CEP295NL: variants seen among roughly 807,000 people sequenced by gnomAD.
CEP295NL encodes the protein protein DDC8 homolog.
CEP295NL carries 3 observed loss-of-function variants against 4.6 expected under a neutral mutation model. That is an observed-to-expected ratio of 0.65 (90% CI 0.30 to 1.69). The LOEUF (loss-of-function observed/expected upper bound fraction) is 1.69, where lower values mean the gene tolerates loss of function less well. CEP295NL is among the 40% of genes most tolerant of loss of function. The pLI, the probability that CEP295NL is intolerant of heterozygous loss-of-function variation, is 0.10. For missense variants in CEP295NL, 719 were observed against 769.0 expected (o/e 0.93, Z 0.77); for synonymous variants, 295 against 312.2 (o/e 0.94, Z 0.58).
chr17:78,895,123 A>G (rs1027597362), intron 2 of CEP295NL, among the ~76,000 whole-genome samples: 9 of 152,100 alleles, frequency 5.9e-5, no homozygotes, highest in Admixed American at 2.0e-4. Flanking sequence ...TCTACTAAAA[A>G]TACAAAAATT....
In CEP295NL at chr17:78,890,800, C is replaced by T. The variant is rs940864052; in HGVS notation, c.1704G>A (p.Glu568=). 1.9e-6 allele frequency: 3 copies of T among 1,550,514 alleles called. No homozygotes were observed. The highest frequency in any genetic ancestry group is 2.7e-5 in the African/African-American group (2 of 73,052). ...TRAQERERGS[E]LSTTSPSGTS... ...TGCCCGATGGGGAAGTGGTGCTGAG[C>T]TCAGATCCTCTCTCCCTTTCCTGGG... The change falls in exon 3 of 3, where the codon GAG becomes GAA. Residue 568 remains glutamate (E), a synonymous_variant. Coordinates refer to ENST00000322630, the MANE Select transcript of CEP295NL (RefSeq NM_001243540.2).
chr17:78,902,200 G>A (rs745779689), intron 1 of CEP295NL, among the ~76,000 whole-genome samples: 3 of 152,178 alleles, frequency 2.0e-5, no homozygotes, highest in African/African-American at 4.8e-5. Context: ...TCCACCTTCC[G>A]GGTTCAAGCA....
At chr17:78,893,119 A>G (rs894154646) in intron 2 of CEP295NL, among the ~76,000 whole-genome samples, 3 of 140,470 alleles carry the variant, frequency 2.1e-5, no homozygotes, top group Non-Finnish European at 1.6e-5. Context: ...GCACATGCAC[A>G]TGTGTGTGCA....
rs971207286 is a variant in CEP295NL, at chr17:78,892,309, C to A, written c.195G>T (p.Leu65=). ...GGTCTTCGTTATCAGGACAGAGGCT[C>A]AGCCACATGGCTCCATCCATGTTTC... is the stretch of plus-strand genomic sequence containing the variant. ...RNRNMDGAMW[L]SLCPDNEDLL... is the part of the protein sequence containing the mutation. The change falls in exon 3 of 3, where the codon CTG becomes CTT. Residue 65 remains leucine (L), a synonymous_variant. Coordinates refer to ENST00000322630, the MANE Select transcript of CEP295NL (RefSeq NM_001243540.2). 1.5e-5 allele frequency: 23 copies of A among 1,550,566 alleles called. No individual in the cohort carries two copies. The highest frequency in any genetic ancestry group is 1.9e-5 in the Non-Finnish European group (22 of 1,147,038).
intron 2 of CEP295NL, among the ~76,000 whole-genome samples, chr17:78,895,830 GC>G (rs1029276191): frequency 1.3e-5 from 2 of 152,156 alleles, no homozygotes; most frequent in Admixed American, 6.5e-5. Context: ...GTGCCTGGAG[GC>G]CCCAAGGTTC....
chr17:78,892,661 G>T, intron 2 of CEP295NL: 1 of 735,118 alleles, frequency 1.4e-6, no homozygotes, highest in Admixed American at 3.1e-5. Context: ...GAGCCTGTAG[G>T]GCAGCTGTTT....
At chr17:78,901,474 G>A (rs988764316) in intron 2 of CEP295NL, among the ~76,000 whole-genome samples, 1 of 152,140 alleles carries the variant, frequency 6.6e-6, no homozygotes, top group Admixed American at 6.5e-5. Flanking sequence ...AGAAGAGGCC[G>A]CAGGCTTGGA....
In CEP295NL at chr17:78,892,189, G is replaced by C. The variant is rs564843473; in HGVS notation, c.315C>G (p.Tyr105Ter). The C allele has an allele frequency of 6.4e-7, 1 of 1,551,034 alleles. No homozygotes were observed. Among genetic ancestry groups the C allele is most frequent in the Non-Finnish European group, 8.7e-7 (1 of 1,147,098 alleles). ...RRADAKLWKN[Y>*]QLQRLAEELR... ...ACTCCTCAGCCAAGCGCTGGAGCTG[G>C]TAGTTTTTCCACAGCTTGGCATCCG... is the stretch of plus-strand genomic sequence containing the variant. The change falls in exon 3 of 3, where the codon TAC becomes TAG. Residue 105 changes from tyrosine (Y) to a stop codon, truncating the protein, a stop_gained. Transcript: ENST00000322630. LOFTEE classifies it low-confidence loss of function (END_TRUNC).
intron 2 of CEP295NL, chr17:78,897,042 A>G: frequency 1.0e-6 from 1 of 975,014 alleles, no homozygotes; most frequent in Middle Eastern, 5.3e-4. Flanking sequence ...GGCAGACCTC[A>G]CCCAGGGACC....
At position 78,901,524 on chromosome 17, in the gene CEP295NL, C is replaced by T. The variant is rs146659202; in HGVS notation, c.44+261G>A. On this transcript the variant is annotated intron_variant, in intron 2 of 2. Transcript: ENST00000322630. ...TGAACTCCTTTGGTCAGGAGGGGCC[C>T]ACTGACCAAAGGTCCTAGGAAGAAA... Among the ~76,000 whole-genome samples, 1,363 of 152,058 alleles carry T rather than the reference C, an allele frequency of 9.0e-3. 25 individuals carry two copies. The highest frequency in any genetic ancestry group is 0.031 in the African/African-American group (1,293 of 41,478).
chr17:78,891,281 C>A lies in CEP295NL; in HGVS notation c.1223G>T (p.Ser408Ile). The change falls in exon 3 of 3, where the codon AGC becomes ATC. Residue 408 changes from serine (S) to isoleucine (I), a missense_variant. Physicochemically the swap from Ser to Ile is moderately radical, Grantham distance 142 (BLOSUM62 -2). Coordinates refer to ENST00000322630, the MANE Select transcript of CEP295NL (RefSeq NM_001243540.2). This position sits in a 1 kb window ranked among gnomAD's most constrained non-coding sequence, Gnocchi z 4.5. ...PEMLPAGEPRSPAEEEAQQAA... is the reference protein window; with the variant it reads ...PEMLPAGEPRIPAEEEAQQAA... ...CTGCTGCGCCTCCTCCTCTGCTGGG[C>A]TCCTGGGTTCCCCGGCAGGCAGCAT... The A allele has an allele frequency of 1.3e-6, 2 of 1,550,620 alleles. No individual in the cohort carries two copies. The highest frequency in any genetic ancestry group is 1.7e-6 in the Non-Finnish European group (2 of 1,147,004).
Position 78,901,714 on chromosome 17 carries a change from T to C in CEP295NL, c.44+71A>G, listed in dbSNP as rs912103698. The C allele has an allele frequency of 5.6e-6, 4 of 716,918 alleles. No homozygotes were observed. The African/African-American group carries it at 7.0e-5, about 13-fold the overall frequency. 44.4% of individuals were successfully genotyped at this position (716,918 alleles called of 1,614,324 possible). On this transcript the variant is annotated intron_variant, in intron 2 of 2. Coordinates refer to ENST00000322630, the MANE Select transcript of CEP295NL (RefSeq NM_001243540.2). The stretch of plus-strand genomic sequence containing the variant: ...GGGATGATAACAACAGCAGCACCCA[T>C]CTACAGAGATGCCAGTGCTTGTCAC...
rs377552232 is a variant in CEP295NL, at chr17:78,900,921, G to A, written c.44+864C>T. 1.3e-4 allele frequency: 20 copies of A among 152,422 alleles called. No individual in the cohort carries two copies. The East Asian group carries it at 2.5e-3, about 19-fold the overall frequency. 9.4% of individuals were successfully genotyped at this position (152,422 alleles called of 1,614,324 possible). A position where few individuals can be genotyped will look rare whatever the true frequency, so the allele number is the denominator to read the frequency against. On this transcript the variant is annotated intron_variant, in intron 2 of 2. Coordinates refer to ENST00000322630, the MANE Select transcript of CEP295NL (RefSeq NM_001243540.2). ...GACTGTCCCCTGAGTGAACAGAAAC[G>A]CCTCTAACATGCGAGCGAATGGTGC... is the stretch of plus-strand genomic sequence containing the variant.
rs1266017127 is a variant in CEP295NL at position 78,901,814 on chromosome 17, C to T, written c.15G>A (p.Trp5Ter). The T allele has an allele frequency of 1.4e-6, 1 of 715,950 alleles. No homozygotes were observed. Among genetic ancestry groups the T allele is most frequent in the Non-Finnish European group, 2.6e-6 (1 of 384,394 alleles). The allele number at this position is 715,950 out of a possible 1,614,324, so 44.3% of individuals were successfully genotyped here. ...TGTGTCTCCAGATGACTGAGCTAGA[C>T]CACCCAGAACACATTACAGGGAGGC... MCSG[W>*]SSSVIWRHTQ... is the part of the protein sequence containing the mutation. The change falls in exon 2 of 3, where the codon TGG (tryptophan) becomes TGA (stop). Residue 5 changes from tryptophan to a stop codon, truncating the protein, a stop_gained. Transcript: ENST00000322630. LOFTEE classifies it low-confidence loss of function (END_TRUNC).
chr17:78,900,487 G>A (rs1267548092), intron 2 of CEP295NL, among the ~76,000 whole-genome samples: 1 of 151,470 alleles, frequency 6.6e-6, no homozygotes, highest in Non-Finnish European at 1.5e-5. Flanking sequence ...GGAGGTTGCA[G>A]TGAGCCAAGA....
chr17:78,895,694 C>T (rs982048043), intron 2 of CEP295NL, among the ~76,000 whole-genome samples: 1 of 152,208 alleles, frequency 6.6e-6, no homozygotes, highest in Admixed American at 6.5e-5. Flanking sequence ...GGTTGAATAA[C>T]TTTCCCAGCT....
chr17:78,891,522 G>A lies in CEP295NL; in HGVS notation c.982C>T (p.Gln328Ter), dbSNP rs1256816635. Reference sequence around the variant, plus strand: ...TTGTTCTTCTCCCGGAGCGTGCACTGAGATGCTGGGGACACGGCTTCCCTT... The same window carrying A: ...TTGTTCTTCTCCCGGAGCGTGCACTAAGATGCTGGGGACACGGCTTCCCTT... ...CRREAVSPAS[Q>*]CTLREKNKWQ... Residue 328 changes from glutamine (Q) to a stop codon, truncating the protein, a stop_gained, in exon 3 of 3, where the codon CAG (glutamine) becomes TAG (stop). Transcript: ENST00000322630. LOFTEE classifies it low-confidence loss of function (END_TRUNC). This position sits in a 1 kb window ranked among gnomAD's most constrained non-coding sequence, Gnocchi z 4.5. 4 of 1,551,122 alleles carry A rather than the reference G, an allele frequency of 2.6e-6. No homozygotes were observed. The East Asian group carries it at 9.8e-5, about 38-fold the overall frequency.
chr17:78,892,963 G>A (rs967097971), intron 2 of CEP295NL, among the ~76,000 whole-genome samples: 4 of 152,194 alleles, frequency 2.6e-5, no homozygotes, highest in Admixed American at 6.5e-5. Context: ...AGAAGAGCAG[G>A]TGGAAGTAAA....
chr17:78,899,375 C>G (rs2070054083), intron 2 of CEP295NL: 1 of 152,444 alleles, frequency 6.6e-6, no homozygotes, highest in African/African-American at 2.4e-5. Context: ...TCAGCATCCC[C>G]CATGTGATTC....
Sources: gnomAD v4.1 joint callset for allele counts (sites outside exome capture counted in the v4.1 genomes callset) on GRCh38, gnomAD v4.1.1 for gene constraint, Gnocchi (gnomAD v3.1) non-coding constraint, MANE v1.5 for transcripts, NCBI Gene and HGNC (gene_info 2026-07-23, HGNC 2026-07-21) for gene names.